Variants in GRIP1 observed in about 807,000 individuals in gnomAD.
GRIP1 encodes the protein glutamate receptor interacting protein 1, also known as glutamate receptor-interacting protein 1.
GRIP1 carries 45 observed loss-of-function variants against 129.9 expected under a neutral mutation model. That is an observed-to-expected ratio of 0.35 (90% CI 0.27 to 0.44). The LOEUF (loss-of-function observed/expected upper bound fraction) is 0.44, where lower values mean the gene tolerates loss of function less well. Among genes scored for constraint, GRIP1 ranks in the 20% least tolerant of loss-of-function variants. GRIP1 has a pLI of 1.00. For synonymous variants in GRIP1, 530 were observed against 520.8 expected, an observed-to-expected ratio of 1.02 and a Z score of -0.24; for missense variants, 1,196 against 1,396.8, an observed-to-expected ratio of 0.86 and a Z score of 2.29.
At chr12:67,001,258 C>T (rs546764139) in intron 1 of GRIP1, among the ~76,000 whole-genome samples, 7 of 152,336 alleles carry the variant, frequency 4.6e-5, no homozygotes, top group African/African-American at 1.2e-4. Flanking sequence ...ACCATCCACC[C>T]GTGCTTCCCC....
At chr12:67,030,003 A>T (rs2042997809) in intron 1 of GRIP1, among the ~76,000 whole-genome samples, 1 of 150,604 alleles carries the variant, frequency 6.6e-6, no homozygotes, top group Non-Finnish European at 1.5e-5. Context: ...GATGGAGACC[A>T]TCCTGGATAA....
intron 1 of GRIP1, among the ~76,000 whole-genome samples, chr12:66,887,847 A>G (rs1178503359): frequency 1.3e-5 from 2 of 152,164 alleles, no homozygotes; most frequent in Non-Finnish European, 2.9e-5. Flanking sequence ...CCTCCACCAA[A>G]AGAGAAAAAA....
intron 1 of GRIP1, among the ~76,000 whole-genome samples, chr12:67,011,120 C>A (rs1464659585): frequency 6.6e-6 from 1 of 152,180 alleles, no homozygotes; most frequent in Non-Finnish European, 1.5e-5. Context: ...ACTTAGCTAT[C>A]TCATTGGCAC....
At chr12:66,944,477 T>C (rs948517217) in intron 1 of GRIP1, among the ~76,000 whole-genome samples, 1 of 151,964 alleles carries the variant, frequency 6.6e-6, no homozygotes, top group African/African-American at 2.4e-5. Context: ...ACAGGGCACT[T>C]TGCTGAACAG....
Position 66,349,016 on chromosome 12 carries a change from T to C in GRIP1, c.*3A>G. On this transcript the variant is annotated 3_prime_UTR_variant, in exon 25 of 25. Transcript: ENST00000359742. Reference sequence around the variant, plus strand: ...CTTTTGTCCTGCTTTATAAAAAGCGTTGCTATAATGTATTAGTGGGTTCTC... The same window carrying C: ...CTTTTGTCCTGCTTTATAAAAAGCGCTGCTATAATGTATTAGTGGGTTCTC... 1 of 1,586,062 alleles carries C rather than the reference T, an allele frequency of 6.3e-7. No individual in the cohort carries two copies. The highest frequency in any genetic ancestry group is 8.7e-7 in the Non-Finnish European group (1 of 1,154,382).
chr12:66,771,163 A>C (rs2037806692), intron 1 of GRIP1, among the ~76,000 whole-genome samples: 1 of 152,144 alleles, frequency 6.6e-6, no homozygotes, highest in African/African-American at 2.4e-5. Flanking sequence ...ATTCAGAGAC[A>C]TGCCGAAGAC....
At chr12:67,036,294 TA>T (rs556873224) in intron 1 of GRIP1, among the ~76,000 whole-genome samples, 183 of 152,218 alleles carry the variant, frequency 1.2e-3, no homozygotes, top group African/African-American at 3.8e-3. Context: ...TAACTGCTTC[TA>T]AATGAGTATA....
chr12:66,635,197 T>C (rs2031237313), intron 1 of GRIP1, among the ~76,000 whole-genome samples: 1 of 152,016 alleles, frequency 6.6e-6, no homozygotes, highest in African/African-American at 2.4e-5. Context: ...GGTAGGAAGA[T>C]GGTTGAGGTC....
Position 66,458,905 on chromosome 12 carries a change from C to T in GRIP1, c.1043-2563G>A, listed in dbSNP as rs117926808. Among the ~76,000 whole-genome samples, 3 of 152,342 alleles carry T rather than the reference C, an allele frequency of 2.0e-5. No individual in the cohort carries two copies. The East Asian group carries it at 5.8e-4, about 29-fold the overall frequency. ...TCCTTCTCATCATTCAGGTCTCACC[C>T]GAGGTGCCACCTCCTCAGAGAAGTT... On this transcript the variant is annotated intron_variant, in intron 9 of 24. Coordinates refer to ENST00000359742, the MANE Select transcript of GRIP1 (RefSeq NM_001366722.1).
chr12:66,539,133 C>T lies in GRIP1; in HGVS notation c.363G>A (p.Leu121=). 1 of 1,614,140 alleles carries T rather than the reference C, an allele frequency of 6.2e-7. No individual in the cohort carries two copies. Among genetic ancestry groups the T allele is most frequent in the Non-Finnish European group, 8.5e-7 (1 of 1,180,004 alleles). ...GAACCACTCTTTCTCCCACATTCTT[C>T]AGCAAGCTGATGATCTCGTCATGGC... The part of the protein sequence containing the change: ...KFRHDEIISL[L]KNVGERVVLE... The change falls in exon 4 of 25, where the codon CTG becomes CTA. Residue 121 remains leucine, a synonymous_variant. Coordinates refer to ENST00000359742, the MANE Select transcript of GRIP1 (RefSeq NM_001366722.1).
intron 1 of GRIP1, among the ~76,000 whole-genome samples, chr12:66,757,683 T>C (rs1261635560): frequency 6.6e-6 from 1 of 152,210 alleles, no homozygotes; most frequent in Non-Finnish European, 1.5e-5. Flanking sequence ...TTGTTCTCCA[T>C]AGTGGTTGTA....
At chr12:67,018,438 T>C (rs1229746484) in intron 1 of GRIP1, among the ~76,000 whole-genome samples, 5 of 152,228 alleles carry the variant, frequency 3.3e-5, no homozygotes, top group Non-Finnish European at 5.9e-5. Flanking sequence ...CCTGTGTCTA[T>C]GGCAGCTCTG....
At chr12:66,658,828 G>A (rs542999057) in intron 1 of GRIP1, among the ~76,000 whole-genome samples, 1 of 152,124 alleles carries the variant, frequency 6.6e-6, no homozygotes, top group Non-Finnish European at 1.5e-5. Context: ...GGAGGCTGAG[G>A]GGGGAAGATT....
intron 15 of GRIP1, among the ~76,000 whole-genome samples, chr12:66,409,039 T>G (rs1006305969): frequency 6.6e-6 from 1 of 151,928 alleles, no homozygotes; most frequent in African/African-American, 2.4e-5. Flanking sequence ...GGTTTTTGAC[T>G]CTAGGACCAG....
chr12:66,407,930 A>G (rs2057253497), intron 15 of GRIP1, among the ~76,000 whole-genome samples: 1 of 152,160 alleles, frequency 6.6e-6, no homozygotes, highest in South Asian at 2.1e-4. Flanking sequence ...CAACTCCCAG[A>G]GAGAGTCCTT....
At chr12:66,815,552 G>A (rs1445958815) in intron 1 of GRIP1, among the ~76,000 whole-genome samples, 1 of 152,080 alleles carries the variant, frequency 6.6e-6, no homozygotes, top group African/African-American at 2.4e-5. Flanking sequence ...CTTGAGCCCA[G>A]GAGTTCAAGA....
chr12:67,057,169 G>C (rs1433652543), intron 1 of GRIP1, among the ~76,000 whole-genome samples: 12 of 152,014 alleles, frequency 7.9e-5, no homozygotes, highest in Admixed American at 7.9e-4. Context: ...CTAACCCCCT[G>C]TGTGGTTGCA....
At chr12:66,377,586 G>A (rs565597768) in intron 20 of GRIP1, among the ~76,000 whole-genome samples, 71 of 145,714 alleles carry the variant, frequency 4.9e-4, no homozygotes, top group Non-Finnish European at 8.9e-4. Flanking sequence ...TGATCCGCCC[G>A]CCTCGGCCTC....
chr12:66,643,346 G>A (rs771379039), intron 1 of GRIP1, among the ~76,000 whole-genome samples: 6 of 152,138 alleles, frequency 3.9e-5, no homozygotes, highest in Non-Finnish European at 8.8e-5. Context: ...AAATATATTA[G>A]TGACAACTAA....
Sources: gnomAD v4.1 joint callset for allele counts (sites outside exome capture counted in the v4.1 genomes callset) on GRCh38, gnomAD v4.1.1 for gene constraint, MANE v1.5 for transcripts, NCBI Gene and HGNC (gene_info 2026-07-23, HGNC 2026-07-21) for gene names.